The following CD164 variants were observed in gnomAD, a reference collection of about 807,000 sequenced individuals.
CD164 encodes the protein sialomucin core protein 24.
A neutral mutation model predicts 24.6 loss-of-function variants in CD164; 11 were observed. The observed-to-expected ratio is 0.45, with a 90% CI of 0.28 to 0.74. The LOEUF (loss-of-function observed/expected upper bound fraction) is 0.74. Ranked by LOEUF, CD164 falls within the 30% of genes least tolerant of loss-of-function variation. CD164 has a pLI of 0.13. For missense variants in CD164, 295 were observed against 243.7 expected, an observed-to-expected ratio of 1.21 and a Z score of -1.40; for synonymous variants, 126 against 100.3, an observed-to-expected ratio of 1.26 and a Z score of -1.53.
At position 109,369,009 on chromosome 6, in the gene CD164, T is replaced by G; in HGVS notation, c.436A>C (p.Asn146His). The change falls in exon 6 of 6, where the codon AAT becomes CAT. Residue 146 changes from asparagine to histidine, a missense_variant. By Grantham distance (68) the Asn-to-His change is moderately conservative. Transcript: ENST00000310786. ...TGTGAGGTTGGAGTCACAGTGTTAT[T>G]TGTTGTACCTGTTAGATAAGACAAA... ...SKTVTTSGTT[N>H]NTVTPTSQPV... The G allele has an allele frequency of 6.2e-7, 1 of 1,611,142 alleles. No individual in the cohort carries two copies.
In CD164 at chr6:109,373,669, T is replaced by C. The variant is rs143336218; in HGVS notation, c.370+2405A>G. Among the ~76,000 whole-genome samples the C allele has an allele frequency of 3.8e-3, 577 of 152,326 alleles. 1 individual carries two copies. The highest frequency in any genetic ancestry group is 6.8e-3 in the Non-Finnish European group (463 of 68,032). Reference sequence around the variant, plus strand: ...CCACTCCCTGCACCCCATTTTCTTTTCATAACCAACCTTCTGAAAATTACT... The same window carrying C: ...CCACTCCCTGCACCCCATTTTCTTTCCATAACCAACCTTCTGAAAATTACT... On this transcript the variant is annotated intron_variant, in intron 4 of 5. Coordinates refer to ENST00000310786, the MANE Select transcript of CD164 (RefSeq NM_006016.6).
intron 1 of CD164, among the ~76,000 whole-genome samples, chr6:109,381,285 C>T (rs1349610103): frequency 6.6e-6 from 1 of 152,100 alleles, no homozygotes; most frequent in African/African-American, 2.4e-5. Flanking sequence ...CAGCCCTATG[C>T]GACTGCACAT....
intron 1 of CD164, among the ~76,000 whole-genome samples, chr6:109,380,911 C>T (rs776790576): frequency 6.6e-6 from 1 of 152,224 alleles, no homozygotes; most frequent in East Asian, 1.9e-4. Flanking sequence ...TATTATACTG[C>T]AATTTACTTC....
chr6:109,376,074 C>T lies in CD164; in HGVS notation c.370G>A (p.Ala124Thr), dbSNP rs1410476677. 6.4e-7 allele frequency: 1 copy of T among 1,568,202 alleles called. No individual in the cohort carries two copies. Among genetic ancestry groups the T allele is most frequent in the Non-Finnish European group, 8.6e-7 (1 of 1,167,356 alleles). Residue 124 changes from alanine (A) to threonine (T), a missense_variant and splice_region_variant, in exon 4 of 6, where the codon GCT (alanine) becomes ACT (threonine). Transcript: ENST00000310786. ...GAAGAAAACAGTCATCTTGAATTACCTGTAGAATTGGCTGTTGGCACTGGA... is the reference window on the plus strand; with the variant it reads ...GAAGAAAACAGTCATCTTGAATTACTTGTAGAATTGGCTGTTGGCACTGGA... The part of the protein sequence containing the change: ...ATPVPTANST[A>T]KPTVQPSPST...
Position 109,368,227 on chromosome 6 carries a change from G to A in CD164, c.*624C>T, listed in dbSNP as rs1357042093. 6.8e-7 allele frequency: 1 copy of A among 1,463,064 alleles called. No homozygotes were observed. The highest frequency in any genetic ancestry group is 2.6e-5 in the East Asian group (1 of 38,708). The allele number at this position is 1,463,064 out of a possible 1,614,324, so 90.6% of individuals were successfully genotyped here. Reference sequence around the variant, plus strand: ...GTTCTTTATATTCTCAATGACATAAGATGCTTTACAAGTATGAACAATAAT... The same window carrying A: ...GTTCTTTATATTCTCAATGACATAAAATGCTTTACAAGTATGAACAATAAT... On this transcript the variant is annotated 3_prime_UTR_variant, in exon 6 of 6. Coordinates refer to ENST00000310786, the MANE Select transcript of CD164 (RefSeq NM_006016.6).
intron 3 of CD164, among the ~76,000 whole-genome samples, chr6:109,376,948 C>A (rs969109676): frequency 6.6e-6 from 1 of 152,100 alleles, no homozygotes; most frequent in Admixed American, 6.5e-5. Flanking sequence ...CCAGCCTGGG[C>A]AACATAGTGA....
Position 109,368,003 on chromosome 6 carries a change from C to T in CD164, c.*848G>A, listed in dbSNP as rs1416080483. On this transcript the variant is annotated 3_prime_UTR_variant, in exon 6 of 6. Coordinates refer to ENST00000310786, the MANE Select transcript of CD164 (RefSeq NM_006016.6). ...GTTCAAGATACGAAGGCTTTCAATT[C>T]TGTATAACAGACTTTAGCTTAAGTT... The T allele has an allele frequency of 1.2e-5, 3 of 260,450 alleles. No individual in the cohort carries two copies. Among genetic ancestry groups the T allele is most frequent in the African/African-American group, 6.7e-5 (3 of 45,070 alleles). The allele number at this position is 260,450 out of a possible 1,614,324, so 16.1% of individuals were successfully genotyped here.
intron 1 of CD164, among the ~76,000 whole-genome samples, chr6:109,380,933 A>T (rs1267961198): frequency 3.3e-5 from 5 of 152,228 alleles, no homozygotes; most frequent in Non-Finnish European, 5.9e-5. Context: ...CTCGTTTTGA[A>T]ATGTTACCAT....
intron 1 of CD164, chr6:109,380,077 T>C (rs1771651407): frequency 6.6e-6 from 1 of 150,690 alleles, no homozygotes; most frequent in Non-Finnish European, 1.5e-5. Flanking sequence ...AACCCTGAGA[T>C]TTTTAGTAGT....
At chr6:109,380,556 G>A (rs989694514) in intron 1 of CD164, 2 of 152,190 alleles carry the variant, frequency 1.3e-5, no homozygotes, top group African/African-American at 4.8e-5. Context: ...ACGGTGGGGT[G>A]GGGAAGGGTT....
chr6:109,377,727 T>G (rs1771494266), intron 3 of CD164, among the ~76,000 whole-genome samples, 173 bp downstream of exon 3: 1 of 151,948 alleles, frequency 6.6e-6, no homozygotes, highest in South Asian at 2.1e-4. Context: ...TAAACCAAGC[T>G]TCAAATATCA....
chr6:109,376,537 G>T (rs955910949), intron 3 of CD164, among the ~76,000 whole-genome samples: 1 of 152,152 alleles, frequency 6.6e-6, no homozygotes, highest in African/African-American at 2.4e-5. Context: ...AAAACCTAAA[G>T]AAGCCTCAGT....
Position 109,368,803 on chromosome 6 carries a change from T to G in CD164, c.*48A>C, listed in dbSNP as rs1770912999. Reference sequence around the variant, plus strand: ...TTAAAAGATAGTATTTTGGCTTCAGTGAGTTACACAAATGAATCACCAGTC... The same window carrying G: ...TTAAAAGATAGTATTTTGGCTTCAGGGAGTTACACAAATGAATCACCAGTC... On this transcript the variant is annotated 3_prime_UTR_variant, in exon 6 of 6. Transcript: ENST00000310786. 1 of 1,563,250 alleles carries G rather than the reference T, an allele frequency of 6.4e-7. No individual in the cohort carries two copies. Among genetic ancestry groups the G allele is most frequent in the Non-Finnish European group, 8.6e-7 (1 of 1,160,470 alleles).
chr6:109,367,047 A>C lies in CD164; in HGVS notation c.*1804T>G, dbSNP rs1770798158. 6.6e-6 allele frequency: 1 copy of C among 152,504 alleles called. No homozygotes were observed. Among genetic ancestry groups the C allele is most frequent in the Admixed American group, 6.5e-5 (1 of 15,280 alleles). The allele number at this position is 152,504 out of a possible 1,614,324, so 9.4% of individuals were successfully genotyped here. On this transcript the variant is annotated 3_prime_UTR_variant, in exon 6 of 6. Transcript: ENST00000310786. ...ATGGAATTCTGCCTATTTTCGAATT[A>C]ATCCTACAGCACTCACTAAAAACTA...
intron 5 of CD164, 145 bp downstream of exon 5, chr6:109,370,266 C>T (rs1771002629): frequency 1.6e-6 from 1 of 642,640 alleles, no homozygotes; most frequent in African/African-American, 1.9e-5. Flanking sequence ...TAACAAAGCA[C>T]TACCTTGATC....
rs749231855 is a variant in CD164 at position 109,382,265 on chromosome 6, G to A, written c.114C>T (p.Pro38=). 6.3e-6 allele frequency: 10 copies of A among 1,589,772 alleles called. No homozygotes were observed. Among genetic ancestry groups the A allele is most frequent in the Admixed American group, 1.8e-5 (1 of 56,744 alleles). The change falls in exon 1 of 6, where the codon CCC becomes CCT. Residue 38 remains proline, a synonymous_variant. Transcript: ENST00000310786. ...CCGGCGCCGAGGTTACGTTGGAGAT[G>A]GGCGCTAAAGTCGTCACGTTCGGGT... ...TQHPNVTTLA[P]ISNVTSAPVT...
chr6:109,373,006 GTTTC>G (rs2115150911), intron 4 of CD164: 1 of 147,756 alleles, frequency 6.8e-6, no homozygotes, highest in Non-Finnish European at 1.5e-5. Context: ...TTGACCTACT[GTTTC>G]TTTTACTGAA....
At chr6:109,369,854 T>C (rs1404990504) in intron 5 of CD164, among the ~76,000 whole-genome samples, 1 of 152,144 alleles carries the variant, frequency 6.6e-6, no homozygotes, top group Non-Finnish European at 1.5e-5. Context: ...GAGGAAAGGA[T>C]TCCTAACCTG....
Position 109,368,389 on chromosome 6 carries a change from T to C in CD164, c.*462A>G. ...TTAATCTAAGGATACCATTTAGTAC[T>C]ACTAAATTAATAAATTTATTCCACT... On this transcript the variant is annotated 3_prime_UTR_variant, in exon 6 of 6. Transcript: ENST00000310786. The C allele has an allele frequency of 1.4e-6, 2 of 1,475,120 alleles. No homozygotes were observed. The highest frequency in any genetic ancestry group is 2.5e-5 in the East Asian group (1 of 39,452). 91.4% of individuals were successfully genotyped at this position (1,475,120 alleles called of 1,614,324 possible).
Sources: allele counts gnomAD v4.1 joint callset (sites outside exome capture counted in the v4.1 genomes callset), GRCh38; gene constraint gnomAD v4.1.1; transcripts MANE v1.5; gene names NCBI Gene and HGNC (gene_info 2026-07-23, HGNC 2026-07-21).